KRT32: variants seen among roughly 807,000 people sequenced by gnomAD.
KRT32 encodes keratin, type I cuticular Ha2.
Under a neutral mutation model 41.8 loss-of-function variants are expected in KRT32, and 44 were observed. The observed-to-expected ratio is 1.05, with a 90% CI of 0.83 to 1.35. The LOEUF is 1.35. Among genes scored for constraint, KRT32 ranks in the 40% most tolerant of loss-of-function variants. The pLI is 0.00. For missense variants in KRT32, 576 were observed against 584.6 expected (o/e 0.99, Z 0.15); for synonymous variants, 238 against 242.5 (o/e 0.98, Z 0.17).
rs780866147 is a variant in KRT32 at position 41,465,916 on chromosome 17, G to A, written c.565C>T (p.Leu189=). ...DDFRAKYEAE[L]AMRQLVEADI... The stretch of plus-strand genomic sequence containing the variant: ...GCCTCCACCAGCTGCCGCATGGCCA[G>A]CTCTGCCTCGTACCTGCACAAGGAC... The change falls in exon 3 of 7, where the codon CTG becomes TTG. Residue 189 remains leucine, a synonymous_variant. Coordinates refer to ENST00000225899, the MANE Select transcript of KRT32 (RefSeq NM_002278.3). 2 of 1,613,576 alleles carry A rather than the reference G, an allele frequency of 1.2e-6. No individual in the cohort carries two copies. The highest frequency in any genetic ancestry group is 8.5e-7 in the Non-Finnish European group (1 of 1,179,646).
rs1311571707 is a variant in KRT32 at position 41,464,374 on chromosome 17, C to T, written c.778G>A (p.Asp260Asn). The T allele has an allele frequency of 3.7e-6, 6 of 1,611,734 alleles. No individual in the cohort carries two copies. Among genetic ancestry groups the T allele is most frequent in the Non-Finnish European group, 5.1e-6 (6 of 1,178,800 alleles). The part of the protein sequence containing the change: ...NIEVDAAPPV[D>N]LTRVLEEMRC... ...ATCTCCTCCAGCACCCTGGTCAGGTCCACCGGGGGTGCAGCGTCCACCTCG... is the reference window on the plus strand; with the variant it reads ...ATCTCCTCCAGCACCCTGGTCAGGTTCACCGGGGGTGCAGCGTCCACCTCG... The change falls in exon 4 of 7, where the codon GAC becomes AAC. Residue 260 changes from aspartate to asparagine, a missense_variant. By Grantham distance (23) the Asp-to-Asn change is conservative. Transcript: ENST00000225899.
At chr17:41,463,962 T>G in intron 5 of KRT32, 116 bp downstream of exon 5, 371 of 1,075,164 alleles carry the variant, frequency 3.5e-4, no homozygotes, top group Non-Finnish European at 4.3e-4. Context: ...GTCAACAGGA[T>G]GAGCATCCAT....
In KRT32 at chr17:41,466,033, A is replaced by G. The variant is rs547712755; in HGVS notation, c.551+61T>C. ...CCAACCCTCCGTGAAACTAATGGAA[A>G]GTTGCCCCAGAGCCTATGAGGACAG... is the stretch of plus-strand genomic sequence containing the variant. On this transcript the variant is annotated intron_variant, in intron 2 of 6. Coordinates refer to ENST00000225899, the MANE Select transcript of KRT32 (RefSeq NM_002278.3). 293 of 1,605,332 alleles carry G rather than the reference A, an allele frequency of 1.8e-4. 1 individual carries two copies. The highest frequency in any genetic ancestry group is 9.4e-4 in the South Asian group (85 of 90,752).
chr17:41,463,494 C>G (rs568412613), intron 5 of KRT32, among the ~76,000 whole-genome samples: 2 of 152,334 alleles, frequency 1.3e-5, no homozygotes, highest in East Asian at 3.9e-4. Context: ...CACCTGAGGT[C>G]AGGAGTTCGA....
chr17:41,464,852 G>A (rs2019049709), intron 3 of KRT32, among the ~76,000 whole-genome samples: 1 of 152,232 alleles, frequency 6.6e-6, no homozygotes, highest in South Asian at 2.1e-4. Flanking sequence ...GGCTGCCAAA[G>A]AGGGAAAGTT....
chr17:41,461,711 C>T (rs576490692), intron 6 of KRT32, among the ~76,000 whole-genome samples: 70 of 152,356 alleles, frequency 4.6e-4, no homozygotes, highest in African/African-American at 1.4e-3. Context: ...GTATGACCCA[C>T]GTCATTCATG....
chr17:41,460,858 A>C lies in KRT32; in HGVS notation c.1218-619T>G, dbSNP rs140895678. ...GTTCTGCACATGTATCCCAGAAGTT[A>C]AAGTAAAATAAAATAAAATAAAGAA... On this transcript the variant is annotated intron_variant, in intron 6 of 6. Transcript: ENST00000225899. 4.5e-4 allele frequency among the ~76,000 whole-genome samples: 69 copies of C among 152,336 alleles called. No individual in the cohort carries two copies. The East Asian group carries it at 9.8e-3, about 22-fold the overall frequency.
At chr17:41,460,328 A>G in intron 6 of KRT32, 89 bp from the exon 7 acceptor site, 1 of 1,464,502 alleles carries the variant, frequency 6.8e-7, no homozygotes, top group Non-Finnish European at 9.3e-7. Context: ...GATGCCTCTC[A>G]ACCCCATCTT....
chr17:41,460,286 C>A, intron 6 of KRT32, 47 bp from the exon 7 acceptor site: 1 of 1,551,260 alleles, frequency 6.4e-7, no homozygotes, highest in Non-Finnish European at 8.7e-7. Flanking sequence ...AGAAGGCCCA[C>A]TCGGCCACAG....
Position 41,462,987 on chromosome 17 carries a change from T to C in KRT32, c.1060A>G (p.Met354Val). ...EARYSSQLAQ[M>V]QCMITNVEAQ... ...TCAACGTTGGTGATCATGCACTGCA[T>C]CTGGGCCAGCTGGGAGCTGTAGCGG... The change falls in exon 6 of 7, where the codon ATG becomes GTG. Residue 354 changes from methionine to valine, a missense_variant. Coordinates refer to ENST00000225899, the MANE Select transcript of KRT32 (RefSeq NM_002278.3). The C allele has an allele frequency of 3.1e-6, 5 of 1,614,058 alleles. No individual in the cohort carries two copies. The highest frequency in any genetic ancestry group is 4.2e-6 in the Non-Finnish European group (5 of 1,179,916).
Position 41,467,014 on chromosome 17 carries a change from G to C in KRT32, c.312C>G (p.Asn104Lys). ...TCGTCAGGTAGCTGGCCAGGCGGTC[G>C]TTAAGGAACTGCATGGTTTCCTTCT... Reference protein sequence around the residue: ...GNEKETMQFLNDRLASYLTRV... With the variant: ...GNEKETMQFLKDRLASYLTRV... The change falls in exon 1 of 7, where the codon AAC becomes AAG. Residue 104 changes from asparagine to lysine, a missense_variant. Physicochemically the swap from Asn to Lys is moderately conservative, Grantham distance 94 (BLOSUM62 0). Coordinates refer to ENST00000225899, the MANE Select transcript of KRT32 (RefSeq NM_002278.3). 1 of 1,614,266 alleles carries C rather than the reference G, an allele frequency of 6.2e-7. No homozygotes were observed. Among genetic ancestry groups the C allele is most frequent in the Non-Finnish European group, 8.5e-7 (1 of 1,180,046 alleles).
At chr17:41,461,601 G>A (rs2079488417) in intron 6 of KRT32, among the ~76,000 whole-genome samples, 1 of 152,254 alleles carries the variant, frequency 6.6e-6, no homozygotes, top group Non-Finnish European at 1.5e-5. Context: ...TGGAAGATCA[G>A]CAATATTGGA....
Position 41,464,351 on chromosome 17 carries a change from C to A in KRT32, c.801G>T (p.Glu267Asp). ...CCATGGCCTCGTACTGACACCGCATCTCCTCCAGCACCCTGGTCAGGTCCA... is the reference window on the plus strand; with the variant it reads ...CCATGGCCTCGTACTGACACCGCATATCCTCCAGCACCCTGGTCAGGTCCA... Reference protein sequence around the residue: ...PPVDLTRVLEEMRCQYEAMVE... With the variant: ...PPVDLTRVLEDMRCQYEAMVE... Residue 267 changes from glutamate to aspartate, a missense_variant, in exon 4 of 7, where the codon GAG (glutamate) becomes GAT (aspartate). Physicochemically the swap from Glu to Asp is conservative, Grantham distance 45. Coordinates refer to ENST00000225899, the MANE Select transcript of KRT32 (RefSeq NM_002278.3). 1 of 1,612,830 alleles carries A rather than the reference C, an allele frequency of 6.2e-7. No homozygotes were observed. Among genetic ancestry groups the A allele is most frequent in the Non-Finnish European group, 8.5e-7 (1 of 1,179,266 alleles).
chr17:41,466,078 C>A lies in KRT32; in HGVS notation c.551+16G>T. 6.2e-7 allele frequency: 1 copy of A among 1,613,706 alleles called. No individual in the cohort carries two copies. Among genetic ancestry groups the A allele is most frequent in the Non-Finnish European group, 8.5e-7 (1 of 1,179,694 alleles). ...GGACAGGTCCTCCCCAGCTCCAGCCCCCCGACTGAACTCACTTGGCCCTGA... is the reference window on the plus strand; with the variant it reads ...GGACAGGTCCTCCCCAGCTCCAGCCACCCGACTGAACTCACTTGGCCCTGA... On this transcript the variant is annotated intron_variant, in intron 2 of 6. Coordinates refer to ENST00000225899, the MANE Select transcript of KRT32 (RefSeq NM_002278.3).
Position 41,460,175 on chromosome 17 carries a change from G to T in KRT32, c.1282C>A (p.Arg428Ser). The T allele has an allele frequency of 6.2e-7, 1 of 1,613,276 alleles. No individual in the cohort carries two copies. The highest frequency in any genetic ancestry group is 8.5e-7 in the Non-Finnish European group (1 of 1,179,614). The change falls in exon 7 of 7, where the codon CGC (arginine) becomes AGC (serine). Residue 428 changes from arginine (R) to serine (S), a missense_variant. Arg to Ser is a moderately radical substitution (Grantham distance 110). Transcript: ENST00000225899. ...TTCVPSPCVP[R>S]TVCVPRTVGM... is the part of the protein sequence containing the mutation. ...ACAGTGCGTGGCACACAGACGGTGC[G>T]GGGCACGCATGGGGAGGGCACACAG... is the stretch of plus-strand genomic sequence containing the variant.
At position 41,467,073 on chromosome 17, in the gene KRT32, T is replaced by A. The variant is rs2019077041; in HGVS notation, c.253A>T (p.Ser85Cys). 6.2e-7 allele frequency: 1 copy of A among 1,614,120 alleles called. No individual in the cohort carries two copies. The highest frequency in any genetic ancestry group is 1.7e-5 in the Admixed American group (1 of 60,014). ...SGISGSMGPG[S>C]WYSEGAFNGN... is the part of the protein sequence containing the mutation. Reference sequence around the variant, plus strand: ...TTGAAGGCCCCTTCGCTGTACCAGCTGCCGGGGCCCATGGAGCCGGAGATG... The same window carrying A: ...TTGAAGGCCCCTTCGCTGTACCAGCAGCCGGGGCCCATGGAGCCGGAGATG... Residue 85 changes from serine to cysteine, a missense_variant, in exon 1 of 7, where the codon AGC becomes TGC. Transcript: ENST00000225899.
Position 41,466,148 on chromosome 17 carries a change from C to T in KRT32, c.497G>A (p.Arg166Lys), listed in dbSNP as rs755929843. 6.2e-7 allele frequency: 1 copy of T among 1,614,158 alleles called. No homozygotes were observed. The highest frequency in any genetic ancestry group is 8.5e-7 in the Non-Finnish European group (1 of 1,180,026). Residue 166 changes from arginine (R) to lysine (K), a missense_variant, in exon 2 of 7, where the codon AGG becomes AAG. Coordinates refer to ENST00000225899, the MANE Select transcript of KRT32 (RefSeq NM_002278.3). The stretch of plus-strand genomic sequence containing the variant: ...GGCATTATCAATGTTCACAACCATC[C>T]TGGCATTCTCTGCCTTGGTACACAG... Reference protein sequence around the residue: ...KILCTKAENARMVVNIDNAKL... With the variant: ...KILCTKAENAKMVVNIDNAKL...
intron 3 of KRT32, among the ~76,000 whole-genome samples, chr17:41,465,381 A>G (rs1204166671): frequency 6.6e-6 from 1 of 151,906 alleles, no homozygotes; most frequent in Non-Finnish European, 1.5e-5. Context: ...CCCCGGCACC[A>G]CTGCACCACT....
intron 3 of KRT32, among the ~76,000 whole-genome samples, chr17:41,464,787 G>A (rs937109106): frequency 2.6e-5 from 4 of 152,228 alleles, no homozygotes; most frequent in Non-Finnish European, 5.9e-5. Context: ...GAGGGTAGCA[G>A]GAGCCTGGCT....
Sources: allele counts gnomAD v4.1 joint callset (sites outside exome capture counted in the v4.1 genomes callset), GRCh38; gene constraint gnomAD v4.1.1; transcripts MANE v1.5; gene names NCBI Gene and HGNC (gene_info 2026-07-23, HGNC 2026-07-21).